The following EEF2K variants were observed in gnomAD, a reference collection of about 807,000 sequenced individuals.
EEF2K encodes the protein alternative protein EEF2K.
A neutral mutation model predicts 93.8 loss-of-function variants in EEF2K; 70 were observed. The observed-to-expected ratio is 0.75, with a 90% confidence interval of 0.62 to 0.91. The LOEUF is 0.91. Ranked by LOEUF, EEF2K falls within the 40% of genes least tolerant of loss-of-function variation. The pLI is 0.00. For missense variants in EEF2K, 935 were observed against 972.9 expected (o/e 0.96, Z 0.52); for synonymous variants, 376 against 380.8 (o/e 0.99, Z 0.15).
At chr16:22,248,993 A>C (rs1336322953) in intron 4 of EEF2K, among the ~76,000 whole-genome samples, 178 bp downstream of exon 4, 1 of 109,370 alleles carries the variant, frequency 9.1e-6, no homozygotes, top group Non-Finnish European at 1.8e-5. Context: ...TTTTTTTTTG[A>C]GACAGGGTCT....
chr16:22,225,456 T>C (rs969014782), intron 1 of EEF2K, among the ~76,000 whole-genome samples, 198 bp from the exon 2 acceptor site: 2 of 152,156 alleles, frequency 1.3e-5, no homozygotes, highest in East Asian at 1.9e-4. Context: ...TTCTTAAAAG[T>C]GGAATGACGA....
At chr16:22,262,715 C>T (rs775010929) in intron 11 of EEF2K, among the ~76,000 whole-genome samples, 16 of 152,132 alleles carry the variant, frequency 1.1e-4, no homozygotes, top group Non-Finnish European at 2.2e-4. Flanking sequence ...CACAGCCCTT[C>T]GATGTAGGGG....
intron 16 of EEF2K, among the ~76,000 whole-genome samples, chr16:22,274,241 GACCAGCCT>G (rs1218018669): frequency 6.6e-6 from 1 of 152,088 alleles, no homozygotes. Flanking sequence ...AGGAGTTCAA[GACCAGCCT>G]GACCAACATG....
chr16:22,217,303 G>C (rs552343634), intron 1 of EEF2K, among the ~76,000 whole-genome samples: 1 of 152,138 alleles, frequency 6.6e-6, no homozygotes, highest in South Asian at 2.1e-4. Context: ...GGGTTGGGAA[G>C]TAGGGCTGCC....
At position 22,266,729 on chromosome 16, in the gene EEF2K, C is replaced by T. The variant is rs778926082; in HGVS notation, c.1617C>T (p.Phe539=). Residue 539 remains phenylalanine (F), a synonymous_variant, in exon 15 of 18, where the codon TTC becomes TTT. Transcript: ENST00000263026. ...AMVRYHEGGR[F]CEKGEEWDQE... ...TGCGCTACCACGAGGGTGGGCGCTT[C>T]TGCGAGAAGGGCGAGGAGTGGGACC... is the stretch of plus-strand genomic sequence containing the variant. The T allele has an allele frequency of 3.2e-5, 52 of 1,613,756 alleles. No individual in the cohort carries two copies. In the East Asian group the frequency reaches 1.2e-3, roughly 36 times the overall value.
At chr16:22,218,204 C>T (rs908313574) in intron 1 of EEF2K, among the ~76,000 whole-genome samples, 5 of 152,200 alleles carry the variant, frequency 3.3e-5, no homozygotes, top group South Asian at 2.1e-4. Flanking sequence ...ACACATGACT[C>T]GAGGGTGGGG....
chr16:22,281,763 A>G (rs1377428145), intron 17 of EEF2K, among the ~76,000 whole-genome samples: 1 of 152,310 alleles, frequency 6.6e-6, no homozygotes, highest in South Asian at 2.1e-4. Context: ...TTCATTTAGC[A>G]TAACTTTTTC....
intron 1 of EEF2K, among the ~76,000 whole-genome samples, chr16:22,224,353 T>C (rs1348923945): frequency 6.6e-6 from 1 of 150,760 alleles, no homozygotes; most frequent in Non-Finnish European, 1.5e-5. Context: ...AAAAGCACAA[T>C]GAAGAAATGA....
intron 17 of EEF2K, among the ~76,000 whole-genome samples, chr16:22,283,308 CAAAAA>C (rs10540234): frequency 5.3e-5 from 4 of 75,868 alleles, no homozygotes; most frequent in East Asian, 3.9e-4. Flanking sequence ...GACTCCATCT[CAAAAA>C]AAAAAAAAAA....
rs750203997 is a variant in EEF2K, at chr16:22,242,476, CT to C, written c.247-2141del. Among the ~76,000 whole-genome samples, 483 of 143,884 alleles carry C rather than the reference CT, an allele frequency of 3.4e-3. 1 individual carries two copies. Among genetic ancestry groups the C allele is most frequent in the East Asian group, 0.014 (69 of 4,984 alleles). The allele number at this position is 143,884 out of a possible 152,430, so 94.4% of individuals were successfully genotyped here. A position where few individuals can be genotyped will look rare whatever the true frequency, so the allele number is the denominator to read the frequency against. ...TCTGGGATTACACGTATGCACCCAGCTTTTTTTTTTTTTAAAGTAGAGACGG... is the reference window on the plus strand; with the variant it reads ...TCTGGGATTACACGTATGCACCCAGCTTTTTTTTTTTTAAAGTAGAGACGG... On this transcript the variant is annotated intron_variant, in intron 2 of 17. Coordinates refer to ENST00000263026, the MANE Select transcript of EEF2K (RefSeq NM_013302.5).
chr16:22,244,683 T>C lies in EEF2K; in HGVS notation c.300T>C (p.Ala100=). Residue 100 remains alanine, a synonymous_variant, in exon 3 of 18, where the codon GCT becomes GCC. Transcript: ENST00000263026. The part of the protein sequence containing the change: ...QKAKHMPDPW[A]EFHLEDIATE... ...CCAAGCACATGCCCGACCCCTGGGC[T>C]GAGTTCCACCTGGAAGATATTGCCA... 6.2e-7 allele frequency: 1 copy of C among 1,614,070 alleles called. No individual in the cohort carries two copies. The highest frequency in any genetic ancestry group is 1.3e-5 in the African/African-American group (1 of 75,046).
chr16:22,219,686 G>C (rs538661381), intron 1 of EEF2K, among the ~76,000 whole-genome samples: 30 of 152,148 alleles, frequency 2.0e-4, no homozygotes, highest in Non-Finnish European at 4.0e-4. Context: ...GAGAGAAGGA[G>C]CTACTGTTAC....
rs766641208 is a variant in EEF2K at position 22,273,623 on chromosome 16, CA to C, written c.1765-2del. On this transcript the variant is annotated splice_acceptor_variant, in intron 15 of 17. Coordinates refer to ENST00000263026, the MANE Select transcript of EEF2K (RefSeq NM_013302.5). LOFTEE classifies it high-confidence loss of function. The stretch of plus-strand genomic sequence containing the variant: ...TTTCTCCCTCTTTGGTTTGTATCAA[CA>C]GGAGACAGAAGAGAACAAAACCAAA... 2 of 1,613,952 alleles carry C rather than the reference CA, an allele frequency of 1.2e-6. No individual in the cohort carries two copies. Among genetic ancestry groups the C allele is most frequent in the Non-Finnish European group, 1.7e-6 (2 of 1,179,918 alleles).
intron 15 of EEF2K, among the ~76,000 whole-genome samples, chr16:22,269,024 A>G (rs947301004): frequency 2.0e-5 from 3 of 152,166 alleles, no homozygotes; most frequent in African/African-American, 7.2e-5. Context: ...TTCTTTGAAT[A>G]ATAGGTAGCC....
rs939650759 is a variant in EEF2K at position 22,285,987 on chromosome 16, C to G, written c.*1991C>G. 6.6e-6 allele frequency: 1 copy of G among 152,188 alleles called. No individual in the cohort carries two copies. The highest frequency in any genetic ancestry group is 1.5e-5 in the Non-Finnish European group (1 of 68,048). The allele number at this position is 152,188 out of a possible 1,614,324, so 9.4% of individuals were successfully genotyped here. A position where few individuals can be genotyped will look rare whatever the true frequency, so the allele number is the denominator to read the frequency against. ...GGGATTACAGGCAGGAGCCACTGAG[C>G]CCAGCCAAGACTTCAGTGTTGACTG... On this transcript the variant is annotated 3_prime_UTR_variant, in exon 18 of 18. Transcript: ENST00000263026.
chr16:22,282,104 A>G (rs901492156), intron 17 of EEF2K, among the ~76,000 whole-genome samples: 5 of 152,010 alleles, frequency 3.3e-5, no homozygotes, highest in African/African-American at 1.2e-4. Context: ...CTACAAAAGA[A>G]ATTGTTTTAA....
At chr16:22,210,290 T>C (rs1298763634) in intron 1 of EEF2K, among the ~76,000 whole-genome samples, 1 of 152,156 alleles carries the variant, frequency 6.6e-6, no homozygotes, top group Non-Finnish European at 1.5e-5. Flanking sequence ...TAGCAAGGAC[T>C]AGCAAGCCAG....
chr16:22,287,028 C>G lies in EEF2K; in HGVS notation c.*3032C>G, dbSNP rs1331414959. ...AAGGGCCCTTAAAAGTGAAAAGTAACTTGCAAGAGGTTGAGATCCTTCTGA... is the reference window on the plus strand; with the variant it reads ...AAGGGCCCTTAAAAGTGAAAAGTAAGTTGCAAGAGGTTGAGATCCTTCTGA... On this transcript the variant is annotated 3_prime_UTR_variant, in exon 18 of 18. Transcript: ENST00000263026. 1.3e-5 allele frequency: 2 copies of G among 152,222 alleles called. No homozygotes were observed. The highest frequency in any genetic ancestry group is 2.9e-5 in the Non-Finnish European group (2 of 68,062). 9.4% of individuals were successfully genotyped at this position (152,222 alleles called of 1,614,324 possible).
At position 22,284,347 on chromosome 16, in the gene EEF2K, C is replaced by T. The variant is rs2047731121; in HGVS notation, c.*351C>T. ...CCAGGCTGGAGTGCAGTGACATGATCTTAGCTCACTGCAACCTCCGCCTCC... is the reference window on the plus strand; with the variant it reads ...CCAGGCTGGAGTGCAGTGACATGATTTTAGCTCACTGCAACCTCCGCCTCC... On this transcript the variant is annotated 3_prime_UTR_variant, in exon 18 of 18. Coordinates refer to ENST00000263026, the MANE Select transcript of EEF2K (RefSeq NM_013302.5). 4.7e-6 allele frequency: 1 copy of T among 212,854 alleles called. No homozygotes were observed. Among genetic ancestry groups the T allele is most frequent in the South Asian group, 7.1e-5 (1 of 14,048 alleles). 13.2% of individuals were successfully genotyped at this position (212,854 alleles called of 1,614,324 possible).
Sources: allele counts gnomAD v4.1 joint callset (sites outside exome capture counted in the v4.1 genomes callset), GRCh38; gene constraint gnomAD v4.1.1; transcripts MANE v1.5; gene names NCBI Gene and HGNC (gene_info 2026-07-23, HGNC 2026-07-21).